ADCYAP1R1: variants seen among roughly 807,000 people sequenced by gnomAD.
The protein encoded by ADCYAP1R1 is pituitary adenylate cyclase-activating polypeptide type I receptor.
In ADCYAP1R1, 44 loss-of-function variants were observed where a neutral mutation model predicts 67.6. That is an observed-to-expected ratio of 0.65 (90% confidence interval 0.51 to 0.84). The LOEUF (loss-of-function observed/expected upper bound fraction) is 0.84. Ranked by LOEUF, ADCYAP1R1 falls within the 40% of genes least tolerant of loss-of-function variation. The probability of loss-of-function intolerance (pLI) is 0.00; values close to 1 mark genes in which losing one functional copy is unlikely to be tolerated. For missense variants in ADCYAP1R1, 477 were observed against 587.9 expected, an observed-to-expected ratio of 0.81 and a Z score of 1.95; for synonymous variants, 222 against 219.6, an observed-to-expected ratio of 1.01 and a Z score of -0.10.
intron 3 of ADCYAP1R1, among the ~76,000 whole-genome samples, chr7:31,072,709 C>T (rs904387652): frequency 2.6e-5 from 4 of 152,224 alleles, no homozygotes; most frequent in Non-Finnish European, 4.4e-5. Context: ...GCCCCCACCC[C>T]GGCCTGAGAG....
chr7:31,076,029 G>C (rs908437786), intron 3 of ADCYAP1R1, among the ~76,000 whole-genome samples: 1 of 152,218 alleles, frequency 6.6e-6, no homozygotes, highest in African/African-American at 2.4e-5. Context: ...TTGGACTGCT[G>C]TGTTTGAATC....
At chr7:31,087,366 G>GT (rs1795792457) in intron 11 of ADCYAP1R1, among the ~76,000 whole-genome samples, 1 of 152,224 alleles carries the variant, frequency 6.6e-6, no homozygotes, top group Non-Finnish European at 1.5e-5. Context: ...GAGCTCACTG[G>GT]TGATACTGAC....
rs1047466850 is a variant in ADCYAP1R1, at chr7:31,052,654, C to T, written c.-96C>T. 2.0e-5 allele frequency: 3 copies of T among 152,052 alleles called. No individual in the cohort carries two copies. Among genetic ancestry groups the T allele is most frequent in the African/African-American group, 7.2e-5 (3 of 41,394 alleles). The allele number at this position is 152,052 out of a possible 1,614,324, so 9.4% of individuals were successfully genotyped here. A position where few individuals can be genotyped will look rare whatever the true frequency, so the allele number is the denominator to read the frequency against. ...TCCTTTGCGGAGTCTGCCCCGGCCC[C>T]ACGGACAGGCCCCGCAGTGAGCAGG... On this transcript the variant is annotated 5_prime_UTR_variant, in exon 1 of 16. Transcript: ENST00000304166.
intron 3 of ADCYAP1R1, among the ~76,000 whole-genome samples, chr7:31,077,622 A>G (rs1408982170): frequency 1.0e-5 from 1 of 98,972 alleles, no homozygotes; most frequent in Non-Finnish European, 2.0e-5. Flanking sequence ...GTGTGTGTGT[A>G]GTGTGTATGA....
At chr7:31,061,949 T>A (rs1334062366) in intron 1 of ADCYAP1R1, among the ~76,000 whole-genome samples, 1 of 152,180 alleles carries the variant, frequency 6.6e-6, no homozygotes, top group Non-Finnish European at 1.5e-5. Flanking sequence ...ATGGGCCTAC[T>A]CAATCTCTTT....
chr7:31,092,453 T>G (rs954677800), intron 12 of ADCYAP1R1, among the ~76,000 whole-genome samples, 191 bp from the exon 13 acceptor site: 2 of 152,144 alleles, frequency 1.3e-5, no homozygotes, highest in African/African-American at 4.8e-5. Flanking sequence ...GGAATCCTTT[T>G]TCTTCTATCT....
chr7:31,059,959 C>T (rs756483655), intron 1 of ADCYAP1R1, among the ~76,000 whole-genome samples: 21 of 151,934 alleles, frequency 1.4e-4, no homozygotes, highest in Middle Eastern at 3.2e-3. Context: ...GTGTGGGGAC[C>T]AAGAGAAGGT....
Position 31,110,019 on chromosome 7 carries a change from A to C in ADCYAP1R1, c.*3335A>C, listed in dbSNP as rs1215651371. 6.6e-6 allele frequency: 1 copy of C among 152,070 alleles called. No individual in the cohort carries two copies. Among genetic ancestry groups the C allele is most frequent in the Non-Finnish European group, 1.5e-5 (1 of 68,074 alleles). The allele number at this position is 152,070 out of a possible 1,614,324, so 9.4% of individuals were successfully genotyped here. On this transcript the variant is annotated 3_prime_UTR_variant, in exon 16 of 16. Coordinates refer to ENST00000304166, the MANE Select transcript of ADCYAP1R1 (RefSeq NM_001118.5). ...GAAGAAGGACAGGGAGCTAGAGCCA[A>C]GCCCTAGGCTTGAGAGACACCTGCA...
In ADCYAP1R1 at chr7:31,086,164, C is replaced by T. The variant is rs1005400776; in HGVS notation, c.670-220C>T. On this transcript the variant is annotated intron_variant, in intron 9 of 15. Coordinates refer to ENST00000304166, the MANE Select transcript of ADCYAP1R1 (RefSeq NM_001118.5). The surrounding 1 kb of genome is among the most constrained non-coding windows in gnomAD (Gnocchi z 5.0). Reference sequence around the variant, plus strand: ...TGGTGGGGAGGCTCTGTGTCTGCCACCCGTCTTTGTCCTGTGTGTGCAGTT... The same window carrying T: ...TGGTGGGGAGGCTCTGTGTCTGCCATCCGTCTTTGTCCTGTGTGTGCAGTT... 6.6e-6 allele frequency among the ~76,000 whole-genome samples: 1 copy of T among 152,202 alleles called. No homozygotes were observed. The highest frequency in any genetic ancestry group is 6.5e-5 in the Admixed American group (1 of 15,290).
chr7:31,087,522 C>T (rs926601951), intron 11 of ADCYAP1R1, 105 bp from the exon 12 acceptor site: 16 of 937,174 alleles, frequency 1.7e-5, no homozygotes, highest in African/African-American at 8.1e-5. Context: ...CAGAGAGCTG[C>T]GGTGGTGAAA....
chr7:31,074,674 G>A (rs896806620), intron 3 of ADCYAP1R1, among the ~76,000 whole-genome samples: 1 of 152,240 alleles, frequency 6.6e-6, no homozygotes, highest in Admixed American at 6.5e-5. Flanking sequence ...ATGGGCTGCT[G>A]TAGCCAAAGA....
intron 3 of ADCYAP1R1, among the ~76,000 whole-genome samples, chr7:31,068,209 G>GCA (rs1367509129): frequency 2.2e-5 from 3 of 138,188 alleles, no homozygotes; most frequent in Admixed American, 1.4e-4. Context: ...GCACGCATGT[G>GCA]CGCGCGCACA....
chr7:31,072,714 T>C (rs1795042287), intron 3 of ADCYAP1R1, among the ~76,000 whole-genome samples: 1 of 152,226 alleles, frequency 6.6e-6, no homozygotes, highest in African/African-American at 2.4e-5. Flanking sequence ...CACCCCGGCC[T>C]GAGAGGCCCA....
chr7:31,090,584 A>G (rs1795925771), intron 12 of ADCYAP1R1, among the ~76,000 whole-genome samples: 1 of 152,174 alleles, frequency 6.6e-6, no homozygotes, highest in South Asian at 2.1e-4. Flanking sequence ...CACCCTGTCT[A>G]GTAGTTCCCA....
At chr7:31,069,075 G>GC (rs201312382) in intron 3 of ADCYAP1R1, among the ~76,000 whole-genome samples, 3 of 152,108 alleles carry the variant, frequency 2.0e-5, no homozygotes, top group African/African-American at 7.3e-5. Context: ...TGGGTTGGGG[G>GC]GGTCCATGCA....
At chr7:31,077,664 G>C (rs1795324295) in intron 3 of ADCYAP1R1, among the ~76,000 whole-genome samples, 1 of 146,810 alleles carries the variant, frequency 6.8e-6, no homozygotes, top group Non-Finnish European at 1.5e-5. Context: ...ATGTGTGTGT[G>C]GTGTATGTGT....
chr7:31,056,219 G>A (rs991487377), intron 1 of ADCYAP1R1, among the ~76,000 whole-genome samples: 4 of 152,140 alleles, frequency 2.6e-5, no homozygotes, highest in Non-Finnish European at 5.9e-5. Flanking sequence ...CATAAAGGGC[G>A]GGTGCTGCCT....
chr7:31,056,499 G>T (rs1794249908), intron 1 of ADCYAP1R1, among the ~76,000 whole-genome samples: 1 of 151,878 alleles, frequency 6.6e-6, no homozygotes, highest in Non-Finnish European at 1.5e-5. Context: ...TTTCTCTACT[G>T]CCTCCTCCTG....
chr7:31,086,379 T>C lies in ADCYAP1R1; in HGVS notation c.670-5T>C. The stretch of plus-strand genomic sequence containing the variant: ...CGCCCCTCACCCTGGCGCTTCTCCC[T>C]GCAGGTGGAATGTAAGGCCGTCATG... On this transcript the variant is annotated splice_region_variant and splice_polypyrimidine_tract_variant and intron_variant, in intron 9 of 15. Transcript: ENST00000304166. This position sits in a 1 kb window ranked among gnomAD's most constrained non-coding sequence, Gnocchi z 5.0. The C allele has an allele frequency of 3.1e-6, 5 of 1,613,734 alleles. No homozygotes were observed. Among genetic ancestry groups the C allele is most frequent in the Non-Finnish European group, 4.2e-6 (5 of 1,179,928 alleles).
Sources: allele counts gnomAD v4.1 joint callset (sites outside exome capture counted in the v4.1 genomes callset), GRCh38; gene constraint gnomAD v4.1.1; non-coding constraint Gnocchi (gnomAD v3.1); transcripts MANE v1.5; gene names NCBI Gene and HGNC (gene_info 2026-07-23, HGNC 2026-07-21).